Variants in CTRB1 observed in about 807,000 individuals in gnomAD.
The protein encoded by CTRB1 is chymotrypsinogen B.
A neutral mutation model predicts 20.4 loss-of-function variants in CTRB1; 15 were observed. That is an observed-to-expected ratio of 0.74 (90% CI 0.49 to 1.13). The LOEUF is 1.13. Among genes scored for constraint, CTRB1 ranks in the 50% most tolerant of loss-of-function variants. CTRB1 has a pLI of 0.00. For synonymous variants in CTRB1, 92 were observed against 128.4 expected, an observed-to-expected ratio of 0.72 and a Z score of 1.92; for missense variants, 227 against 290.1, an observed-to-expected ratio of 0.78 and a Z score of 1.58.
At chr16:75,222,057 TCAAAAA>T (rs2039093304) in intron 1 of CTRB1, among the ~76,000 whole-genome samples, 1 of 64,650 alleles carries the variant, frequency 1.5e-5, no homozygotes, top group Non-Finnish European at 2.7e-5. Context: ...CAAGACTGTC[TCAAAAA>T]GAAAAAAAAA....
In CTRB1 at chr16:75,224,738, G is replaced by T; in HGVS notation, c.664G>T (p.Asp222Tyr). The change falls in exon 7 of 7, where the codon GAT becomes TAT. Residue 222 changes from aspartate (D) to tyrosine (Y), a missense_variant. Physicochemically the swap from Asp to Tyr is radical, Grantham distance 160. Coordinates refer to ENST00000361017, the MANE Select transcript of CTRB1 (RefSeq NM_001906.6). ...TGGCGGCCCCCTGGTCTGCCAAAAG[G>T]ATGGAGCCTGGACCCTGGTGGGCAT... ...DSGGPLVCQK[D>Y]GAWTLVGIVS... is the part of the protein sequence containing the mutation. The T allele has an allele frequency of 6.2e-7, 1 of 1,613,336 alleles. No individual in the cohort carries two copies.
intron 1 of CTRB1, among the ~76,000 whole-genome samples, chr16:75,220,003 T>C (rs975385828): frequency 6.9e-6 from 1 of 144,326 alleles, no homozygotes; most frequent in Non-Finnish European, 1.5e-5. Context: ...GTTTTGGTTT[T>C]GGTTTTGAGA....
intron 1 of CTRB1, 119 bp from the exon 2 acceptor site, chr16:75,222,649 C>A (rs527490663): frequency 3.5e-6 from 4 of 1,133,414 alleles, no homozygotes; most frequent in Non-Finnish European, 3.7e-6. Context: ...GCGGCATGTG[C>A]CAGGGAGGTC....
chr16:75,221,432 T>G (rs2039082447), intron 1 of CTRB1, among the ~76,000 whole-genome samples: 1 of 152,182 alleles, frequency 6.6e-6, no homozygotes, highest in Non-Finnish European at 1.5e-5. Flanking sequence ...CGATCTCAGC[T>G]TACTGCAACC....
At chr16:75,221,615 C>T (rs139223088) in intron 1 of CTRB1, among the ~76,000 whole-genome samples, 3,560 of 152,074 alleles carry the variant, frequency 0.023, 94 homozygotes, top group Middle Eastern at 0.1. Context: ...CCCGCTTGGC[C>T]TCTCAAAGTG....
rs1291767951 is a variant in CTRB1 at position 75,218,999 on chromosome 16, G to C, written c.-9G>C. ...AGCTGGCAGGCCCCACACCTTCTGA[G>C]GCAGCGGCATGGCTTCCCTCTGGCT... On this transcript the variant is annotated 5_prime_UTR_variant, in exon 1 of 7. Coordinates refer to ENST00000361017, the MANE Select transcript of CTRB1 (RefSeq NM_001906.6). 1 of 1,581,660 alleles carries C rather than the reference G, an allele frequency of 6.3e-7. No homozygotes were observed. Among genetic ancestry groups the C allele is most frequent in the South Asian group, 1.2e-5 (1 of 86,644 alleles).
At chr16:75,222,015 T>C (rs1200021735) in intron 1 of CTRB1, among the ~76,000 whole-genome samples, 3 of 142,984 alleles carry the variant, frequency 2.1e-5, no homozygotes, top group African/African-American at 7.9e-5. Flanking sequence ...GAGCCAAGAT[T>C]GTGCCACTGT....
chr16:75,221,554 T>G (rs1038182244), intron 1 of CTRB1, among the ~76,000 whole-genome samples: 1 of 152,108 alleles, frequency 6.6e-6, no homozygotes, highest in African/African-American at 2.4e-5. Context: ...GAGATGGGGT[T>G]TTACTATGTT....
chr16:75,224,913 C>A lies in CTRB1; in HGVS notation c.*47C>A, dbSNP rs2076727013. 6.2e-7 allele frequency: 1 copy of A among 1,605,580 alleles called. No homozygotes were observed. Among genetic ancestry groups the A allele is most frequent in the African/African-American group, 1.3e-5 (1 of 74,612 alleles). The stretch of plus-strand genomic sequence containing the variant: ...TGCTCCCCACAGAGCCTCAGTAAAC[C>A]CATGGAACACACGTCGGCGCTGTCC... On this transcript the variant is annotated 3_prime_UTR_variant, in exon 7 of 7. Coordinates refer to ENST00000361017, the MANE Select transcript of CTRB1 (RefSeq NM_001906.6).
intron 1 of CTRB1, among the ~76,000 whole-genome samples, chr16:75,220,170 GT>G (rs770913134): frequency 2.2e-4 from 32 of 147,734 alleles, no homozygotes; most frequent in Non-Finnish European, 3.7e-4. Context: ...AGAGATGGAG[GT>G]TTTTTTTGTT....
intron 1 of CTRB1, among the ~76,000 whole-genome samples, chr16:75,220,549 A>G (rs1567568942): frequency 6.6e-6 from 1 of 151,534 alleles, no homozygotes; most frequent in Non-Finnish European, 1.5e-5. Flanking sequence ...GCTCACCTCA[A>G]CCTCCCAGGG....
At chr16:75,224,226 G>T (rs528462324) in intron 6 of CTRB1, 38 bp downstream of exon 6, 2 of 1,429,124 alleles carry the variant, frequency 1.4e-6, no homozygotes, top group South Asian at 2.7e-5. Flanking sequence ...CCAGGCGAGC[G>T]GGGTGCAGGG....
chr16:75,221,856 A>T (rs904893848), intron 1 of CTRB1, among the ~76,000 whole-genome samples: 5 of 151,342 alleles, frequency 3.3e-5, no homozygotes, highest in Non-Finnish European at 5.9e-5. Context: ...AGGTCAGGAG[A>T]TCGAGACCAT....
intron 1 of CTRB1, chr16:75,222,551 G>A (rs541598246): frequency 1.0e-5 from 6 of 593,916 alleles, no homozygotes; most frequent in Middle Eastern, 4.5e-4. Context: ...GAGACATGAC[G>A]CTCTGCATCC....
intron 1 of CTRB1, among the ~76,000 whole-genome samples, chr16:75,221,141 C>T (rs777283288): frequency 1.3e-5 from 2 of 151,442 alleles, no homozygotes; most frequent in African/African-American, 2.4e-5. Flanking sequence ...TGTAAGCAGG[C>T]GAATATGACC....
Position 75,223,166 on chromosome 16 carries a change from G to T in CTRB1, c.262G>T (p.Glu88Ter). The stretch of plus-strand genomic sequence containing the variant: ...GACCTCCGACGTGGTCGTGGCTGGG[G>T]AGTTTGACCAGGGCTCTGACGAGGA... ...VRTSDVVVAG[E>*]FDQGSDEENI... is the part of the protein sequence containing the mutation. The change falls in exon 4 of 7, where the codon GAG becomes TAG. Residue 88 changes from glutamate (E) to a stop codon, truncating the protein, a stop_gained. Transcript: ENST00000361017. LOFTEE classifies it high-confidence loss of function. The T allele has an allele frequency of 8.9e-7, 1 of 1,118,086 alleles. No individual in the cohort carries two copies. The highest frequency in any genetic ancestry group is 1.3e-6 in the Non-Finnish European group (1 of 773,158). The allele number at this position is 1,118,086 out of a possible 1,614,324, so 69.3% of individuals were successfully genotyped here. A position where few individuals can be genotyped will look rare whatever the true frequency, so the allele number is the denominator to read the frequency against.
At chr16:75,222,620 G>A (rs1324579154) in intron 1 of CTRB1, 148 bp from the exon 2 acceptor site, 6 of 804,732 alleles carry the variant, frequency 7.5e-6, no homozygotes, top group South Asian at 7.4e-5. Context: ...CTAGAGACTT[G>A]GGGACCAGGG....
At chr16:75,222,519 C>A in intron 1 of CTRB1, 1 of 557,372 alleles carries the variant, frequency 1.8e-6, no homozygotes, top group Non-Finnish European at 3.2e-6. Flanking sequence ...CTTCTTCAGG[C>A]TGGACAGGCC....
At chr16:75,220,098 T>G (rs931816833) in intron 1 of CTRB1, among the ~76,000 whole-genome samples, 7 of 152,196 alleles carry the variant, frequency 4.6e-5, no homozygotes, top group African/African-American at 1.7e-4. Context: ...ATCCTCCCAC[T>G]ATAGCCTCCC....
Sources: gnomAD v4.1 joint callset for allele counts (sites outside exome capture counted in the v4.1 genomes callset) on GRCh38, gnomAD v4.1.1 for gene constraint, MANE v1.5 for transcripts, NCBI Gene and HGNC (gene_info 2026-07-23, HGNC 2026-07-21) for gene names.